The following S100PBP variants were observed in gnomAD, a reference collection of about 807,000 sequenced individuals.
The protein encoded by S100PBP is S100P binding protein.
In S100PBP, 15 loss-of-function variants were observed where a neutral mutation model predicts 39.9. The ratio of observed to expected loss-of-function variants is 0.38; its 90% CI spans 0.25 to 0.58. The LOEUF (loss-of-function observed/expected upper bound fraction) is 0.58, where lower values mean the gene tolerates loss of function less well. Among genes scored for constraint, S100PBP ranks in the 20% least tolerant of loss-of-function variants. The pLI is 0.70. For synonymous variants in S100PBP, 178 were observed against 180.3 expected, an observed-to-expected ratio of 0.99 and a Z score of 0.10; for missense variants, 504 against 487.3, an observed-to-expected ratio of 1.03 and a Z score of -0.32.
chr1:32,846,333 C>A (rs1378191115), intron 5 of S100PBP, among the ~76,000 whole-genome samples: 1 of 149,946 alleles, frequency 6.7e-6, no homozygotes, highest in African/African-American at 2.4e-5. Context: ...TTATAGAGAG[C>A]ATATAATTGG....
At chr1:32,855,075 A>G (rs1017799113) in intron 6 of S100PBP, among the ~76,000 whole-genome samples, 28 of 152,328 alleles carry the variant, frequency 1.8e-4, no homozygotes, top group African/African-American at 6.3e-4. Context: ...ACTTGCATAT[A>G]GGGATAGATA....
intron 5 of S100PBP, among the ~76,000 whole-genome samples, chr1:32,837,766 T>C (rs934512194): frequency 6.6e-6 from 1 of 151,996 alleles, no homozygotes; most frequent in Non-Finnish European, 1.5e-5. Flanking sequence ...CTTTTGAGTC[T>C]GGCTTCTTTG....
intron 6 of S100PBP, among the ~76,000 whole-genome samples, chr1:32,853,446 G>A (rs1240574126): frequency 6.6e-6 from 1 of 150,448 alleles, no homozygotes; most frequent in African/African-American, 2.5e-5. Flanking sequence ...ACTCAAGCCT[G>A]GGCGGCAGAG....
chr1:32,834,935 G>A (rs1639750614), intron 5 of S100PBP: 1 of 152,192 alleles, frequency 6.6e-6, no homozygotes, highest in Non-Finnish European at 1.5e-5. Flanking sequence ...GAGGTCAGGA[G>A]TTCAAGACCA....
intron 5 of S100PBP, among the ~76,000 whole-genome samples, chr1:32,851,005 C>T (rs796628129): frequency 7.2e-5 from 11 of 152,276 alleles, no homozygotes; most frequent in Non-Finnish European, 1.0e-4. Flanking sequence ...AGGTCTTTTA[C>T]GTTCAATATT....
At chr1:32,842,587 G>T (rs11579654) in intron 5 of S100PBP, among the ~76,000 whole-genome samples, 12,059 of 151,852 alleles carry the variant, frequency 0.079, 671 homozygotes, top group Admixed American at 0.16. Context: ...AACTGAGAGA[G>T]AATTAACATT....
At chr1:32,824,332 GTATT>G (rs764523603) in intron 1 of S100PBP, among the ~76,000 whole-genome samples, 1 of 152,036 alleles carries the variant, frequency 6.6e-6, no homozygotes, top group Admixed American at 6.6e-5. Context: ...TTTGAGTTCA[GTATT>G]TAAGCATTTC....
intron 5 of S100PBP, among the ~76,000 whole-genome samples, chr1:32,830,498 T>C (rs914519156): frequency 6.6e-6 from 1 of 152,222 alleles, no homozygotes; most frequent in African/African-American, 2.4e-5. Flanking sequence ...GCATTTTGGC[T>C]TCTGAATAAA....
chr1:32,837,458 G>A (rs543916389), intron 5 of S100PBP, among the ~76,000 whole-genome samples: 12 of 144,520 alleles, frequency 8.3e-5, no homozygotes, highest in African/African-American at 2.5e-4. Flanking sequence ...CCAGCTACTC[G>A]GGAGGCTGAG....
intron 5 of S100PBP, 102 bp from the exon 6 acceptor site, chr1:32,852,977 G>A: frequency 1.3e-6 from 1 of 762,412 alleles, no homozygotes; most frequent in African/African-American, 1.7e-5. Context: ...ATATATTGTT[G>A]AGAACAGTGC....
chr1:32,849,999 G>C (rs1454652529), intron 5 of S100PBP, among the ~76,000 whole-genome samples: 1 of 152,102 alleles, frequency 6.6e-6, no homozygotes, highest in Non-Finnish European at 1.5e-5. Flanking sequence ...ATTTAAACAG[G>C]CTTGATATAT....
chr1:32,825,244 A>G (rs1206466496), intron 1 of S100PBP, 69 bp from the exon 2 acceptor site: 1 of 152,232 alleles, frequency 6.6e-6, no homozygotes, highest in African/African-American at 2.4e-5. Context: ...AAAGCATAAT[A>G]CAGTTGACTT....
At chr1:32,844,522 G>A (rs1224378748) in intron 5 of S100PBP, among the ~76,000 whole-genome samples, 1 of 152,066 alleles carries the variant, frequency 6.6e-6, no homozygotes, top group Admixed American at 6.6e-5. Context: ...TGTCCCCCAG[G>A]CTAGAGTGCA....
chr1:32,844,744 GAT>G (rs1640279370), intron 5 of S100PBP, among the ~76,000 whole-genome samples: 1 of 151,712 alleles, frequency 6.6e-6, no homozygotes. Context: ...TCTATTCCGA[GAT>G]AGAGATATAT....
chr1:32,845,499 C>G (rs971628524), intron 5 of S100PBP, among the ~76,000 whole-genome samples: 4 of 151,778 alleles, frequency 2.6e-5, no homozygotes, highest in African/African-American at 9.7e-5. Context: ...GAACTCTTGG[C>G]CTCCCAAAGT....
intron 6 of S100PBP, among the ~76,000 whole-genome samples, chr1:32,853,433 T>C (rs1292463981): frequency 1.3e-5 from 2 of 149,314 alleles, no homozygotes; most frequent in Non-Finnish European, 3.0e-5. Flanking sequence ...ATGGTGCCAC[T>C]GTACTCAAGC....
intron 5 of S100PBP, among the ~76,000 whole-genome samples, chr1:32,845,726 C>A (rs1419438044): frequency 6.6e-6 from 1 of 151,552 alleles, no homozygotes; most frequent in African/African-American, 2.4e-5. Flanking sequence ...TGTCACCCAG[C>A]CTGAGTGCAG....
chr1:32,857,629 G>A lies in S100PBP; in HGVS notation c.*1591G>A, dbSNP rs1454281586. 1.3e-5 allele frequency: 2 copies of A among 152,194 alleles called. No individual in the cohort carries two copies. The highest frequency in any genetic ancestry group is 6.6e-5 in the Admixed American group (1 of 15,264). The allele number at this position is 152,194 out of a possible 1,614,324, so 9.4% of individuals were successfully genotyped here. On this transcript the variant is annotated 3_prime_UTR_variant, in exon 7 of 7. Coordinates refer to ENST00000373475, the MANE Select transcript of S100PBP (RefSeq NM_022753.4). ...CCTGGCCGGTTATTCTCTCTTTACA[G>A]ATAGCTATAGACATCATTTTAGGAA... is the stretch of plus-strand genomic sequence containing the variant.
rs536095945 is a variant in S100PBP at position 32,853,445 on chromosome 1, T to C, written c.1112+279T>C. ...AAGATGGTGCCACTGTACTCAAGCC[T>C]GGGCGGCAGAGCAAGACTCCGTCTA... On this transcript the variant is annotated intron_variant, in intron 6 of 6. Transcript: ENST00000373475. Among the ~76,000 whole-genome samples, 30 of 139,664 alleles carry C rather than the reference T, an allele frequency of 2.1e-4. No individual in the cohort carries two copies. The South Asian group carries it at 7.1e-3, about 33-fold the overall frequency. The allele number at this position is 139,664 out of a possible 152,430, so 91.6% of individuals were successfully genotyped here.
Sources: gnomAD v4.1 joint callset for allele counts (sites outside exome capture counted in the v4.1 genomes callset) on GRCh38, gnomAD v4.1.1 for gene constraint, MANE v1.5 for transcripts, NCBI Gene and HGNC (gene_info 2026-07-23, HGNC 2026-07-21) for gene names.